ZNF654: variants seen among roughly 807,000 people sequenced by gnomAD.
The protein encoded by ZNF654 is zinc finger protein 654, also known as melanoma-associated antigen.
Under a neutral mutation model 95.3 loss-of-function variants are expected in ZNF654, and 19 were observed. That is an observed-to-expected ratio of 0.20 (90% CI 0.14 to 0.29). ZNF654 has a LOEUF of 0.29. Ranked by LOEUF, ZNF654 falls within the 10% of genes least tolerant of loss-of-function variation. The pLI is 1.00. For missense variants in ZNF654, 1,046 were observed against 1,341.0 expected (o/e 0.78, Z 3.44); for synonymous variants, 413 against 457.9 (o/e 0.90, Z 1.25).
chr3:88,137,974 C>T (rs1706899564), intron 7 of ZNF654, among the ~76,000 whole-genome samples: 2 of 151,956 alleles, frequency 1.3e-5, no homozygotes, highest in Non-Finnish European at 2.9e-5. Context: ...TATTCCAAAC[C>T]ACTAGAGACA....
intron 3 of ZNF654, among the ~76,000 whole-genome samples, chr3:88,120,280 C>A (rs1054785860): frequency 6.6e-6 from 1 of 152,098 alleles, no homozygotes; most frequent in African/African-American, 2.4e-5. Context: ...ATGCCATATT[C>A]CCTAATCCAT....
In ZNF654 at chr3:88,059,401, G is replaced by C; in HGVS notation, c.82G>C (p.Val28Leu). Residue 28 changes from valine (V) to leucine (L), a missense_variant, in exon 1 of 9, where the codon GTG becomes CTG. Around this residue, in one of 9 missense-constraint regions of ZNF654, gnomAD observed 89 missense variants for 77.9 expected, o/e 1.14. Transcript: ENST00000636215. ...CATTGTGGAGTCCCCGCTGGGCCCT[G>C]TGGGGCTTAGAGCTGCGGGCGACGG... is the stretch of plus-strand genomic sequence containing the variant. ...VAIVESPLGP[V>L]GLRAAGDGRG... The C allele has an allele frequency of 2.0e-6, 3 of 1,534,734 alleles. No individual in the cohort carries two copies. The South Asian group carries it at 3.6e-5, about 18-fold the overall frequency.
chr3:88,102,618 A>T (rs189974848), intron 2 of ZNF654, among the ~76,000 whole-genome samples: 55 of 152,302 alleles, frequency 3.6e-4, no homozygotes. Flanking sequence ...CTGGCAATTC[A>T]GCCTCTCCTG....
chr3:88,086,484 A>G, intron 2 of ZNF654, 82 bp downstream of exon 2: 1 of 1,219,302 alleles, frequency 8.2e-7, no homozygotes, highest in Non-Finnish European at 1.1e-6. Flanking sequence ...CTTCTGAAGA[A>G]GAAACCTTTC....
chr3:88,100,824 C>T (rs4241551), intron 2 of ZNF654, among the ~76,000 whole-genome samples: 6 of 151,832 alleles, frequency 4.0e-5, no homozygotes, highest in African/African-American at 1.2e-4. Flanking sequence ...GTGGGGAAAG[C>T]GGGGAGGGAT....
chr3:88,075,556 C>T (rs1707751393), intron 1 of ZNF654, among the ~76,000 whole-genome samples: 1 of 152,190 alleles, frequency 6.6e-6, no homozygotes, highest in Non-Finnish European at 1.5e-5. Context: ...CTGCTGCTTG[C>T]TCTTTTAGAC....
chr3:88,059,287 A>G lies in ZNF654; in HGVS notation c.-33A>G. The G allele has an allele frequency of 1.3e-6, 2 of 1,531,484 alleles. No individual in the cohort carries two copies. The highest frequency in any genetic ancestry group is 1.7e-6 in the Non-Finnish European group (2 of 1,145,866). The allele number at this position is 1,531,484 out of a possible 1,614,324, so 94.9% of individuals were successfully genotyped here. A position where few individuals can be genotyped will look rare whatever the true frequency, so the allele number is the denominator to read the frequency against. On this transcript the variant is annotated 5_prime_UTR_variant, in exon 1 of 9. Transcript: ENST00000636215. ...GCATCTACGGCGGCGGCGGCGGCGC[A>G]GGGGCTGGTACGCGCTGGGCGGCGA... is the stretch of plus-strand genomic sequence containing the variant.
intron 1 of ZNF654, among the ~76,000 whole-genome samples, chr3:88,070,008 T>C (rs1707417245): frequency 6.6e-6 from 1 of 152,220 alleles, no homozygotes; most frequent in Non-Finnish European, 1.5e-5. Context: ...GACAAATCTC[T>C]CAAATTATAG....
chr3:88,135,034 A>G (rs1706689501), intron 6 of ZNF654, 27 bp from the exon 7 acceptor site: 1 of 1,348,458 alleles, frequency 7.4e-7, no homozygotes, highest in East Asian at 2.9e-5. Context: ...TGTATTTTTG[A>G]TAATTCTCTT....
At position 88,113,200 on chromosome 3, in the gene ZNF654, A is replaced by G; in HGVS notation, c.414+4A>G. Reference sequence around the variant, plus strand: ...GGATATTCTTGGATCATTCCAGGTAAAAAACAGTTTACTACTTCACACTTT... The same window carrying G: ...GGATATTCTTGGATCATTCCAGGTAGAAAACAGTTTACTACTTCACACTTT... On this transcript the variant is annotated splice_donor_region_variant and intron_variant, in intron 3 of 8. Transcript: ENST00000636215. 6.6e-7 allele frequency: 1 copy of G among 1,525,908 alleles called. No homozygotes were observed. Among genetic ancestry groups the G allele is most frequent in the Non-Finnish European group, 8.8e-7 (1 of 1,139,096 alleles). The allele number at this position is 1,525,908 out of a possible 1,614,324, so 94.5% of individuals were successfully genotyped here. A position where few individuals can be genotyped will look rare whatever the true frequency, so the allele number is the denominator to read the frequency against.
chr3:88,063,897 C>T (rs900248914), intron 1 of ZNF654, among the ~76,000 whole-genome samples: 8 of 152,080 alleles, frequency 5.3e-5, no homozygotes, highest in African/African-American at 1.9e-4. Context: ...TCTGACTTCC[C>T]AGTGGCAGGA....
At chr3:88,101,275 C>A (rs1002552324) in intron 2 of ZNF654, among the ~76,000 whole-genome samples, 11 of 152,148 alleles carry the variant, frequency 7.2e-5, no homozygotes, top group Admixed American at 2.0e-4. Context: ...CATTTGCATT[C>A]AGTCCCCAGT....
rs1170928355 is a variant in ZNF654 at position 88,128,888 on chromosome 3, C to T, written c.630C>T (p.Pro210=). The change falls in exon 5 of 9, where the codon CCC becomes CCT. Residue 210 remains proline (P), a synonymous_variant. Coordinates refer to ENST00000636215, the MANE Select transcript of ZNF654 (RefSeq NM_001350134.2). Reference sequence around the variant, plus strand: ...ACCTAATTGCTTGTGAACGCATACCCGAAGCAATGGCTCTTATTAAATCTT... The same window carrying T: ...ACCTAATTGCTTGTGAACGCATACCTGAAGCAATGGCTCTTATTAAATCTT... ...ARYLIACERI[P]EAMALIKSCI... The T allele has an allele frequency of 3.4e-5, 52 of 1,535,272 alleles. No individual in the cohort carries two copies. Among genetic ancestry groups the T allele is most frequent in the Admixed American group, 7.9e-5 (4 of 50,930 alleles).
At position 88,140,066 on chromosome 3, in the gene ZNF654, T is replaced by A. The variant is rs758971210; in HGVS notation, c.2397T>A (p.Ser799=). Residue 799 remains serine, a synonymous_variant, in exon 8 of 9, where the codon TCT becomes TCA. Coordinates refer to ENST00000636215, the MANE Select transcript of ZNF654 (RefSeq NM_001350134.2). ...TTTGTCAAAGGCAATTTGAAGATTC[T>A]CAACATTTTATAGACCACCTTAATA... The part of the protein sequence containing the change: ...CKFCQRQFED[S]QHFIDHLNRH... 1 of 1,613,690 alleles carries A rather than the reference T, an allele frequency of 6.2e-7. No homozygotes were observed. Among genetic ancestry groups the A allele is most frequent in the Non-Finnish European group, 8.5e-7 (1 of 1,179,778 alleles).
intron 2 of ZNF654, chr3:88,095,470 GTC>G (rs1416802498): frequency 2.5e-6 from 1 of 397,538 alleles, no homozygotes; most frequent in Non-Finnish European, 4.9e-6. Context: ...TGCAACATCA[GTC>G]TCTCTTCATA....
intron 2 of ZNF654, among the ~76,000 whole-genome samples, chr3:88,111,741 C>T (rs1374253977): frequency 1.3e-5 from 2 of 151,918 alleles, no homozygotes; most frequent in South Asian, 2.1e-4. Flanking sequence ...GGTATGTGTA[C>T]ATTTTAAATT....
intron 3 of ZNF654, among the ~76,000 whole-genome samples, chr3:88,125,482 A>C (rs1243505096): frequency 7.0e-6 from 1 of 142,120 alleles, no homozygotes; most frequent in South Asian, 2.5e-4. Context: ...CTATTGCCCA[A>C]CTTAACAATA....
chr3:88,096,353 C>A (rs1704058217), intron 2 of ZNF654, among the ~76,000 whole-genome samples: 1 of 152,064 alleles, frequency 6.6e-6, no homozygotes, highest in Non-Finnish European at 1.5e-5. Flanking sequence ...TGAGAGGAAG[C>A]AGCACCGATT....
At chr3:88,069,819 T>C (rs987755628) in intron 1 of ZNF654, among the ~76,000 whole-genome samples, 1 of 152,196 alleles carries the variant, frequency 6.6e-6, no homozygotes, top group Non-Finnish European at 1.5e-5. Context: ...TTATTTTATG[T>C]TTATTATCTT....
Sources: allele counts gnomAD v4.1 joint callset (sites outside exome capture counted in the v4.1 genomes callset), GRCh38; gene constraint gnomAD v4.1.1; regional missense constraint gnomAD v4.1.1; transcripts MANE v1.5; gene names NCBI Gene and HGNC (gene_info 2026-07-23, HGNC 2026-07-21).